TLN2: variants seen among roughly 807,000 people sequenced by gnomAD.
The protein encoded by TLN2 is talin 2, also known as talin-2.
A neutral mutation model predicts 294.7 loss-of-function variants in TLN2; 118 were observed. The observed-to-expected ratio is 0.40, with a 90% confidence interval of 0.34 to 0.47. TLN2 has a LOEUF of 0.47. Among genes scored for constraint, TLN2 ranks in the 20% least tolerant of loss-of-function variants. TLN2 has a pLI of 0.84. For missense variants in TLN2, 3,083 were observed against 3,282.2 expected, an observed-to-expected ratio of 0.94 and a Z score of 1.48; for synonymous variants, 1,431 against 1,304.5, an observed-to-expected ratio of 1.10 and a Z score of -2.09.
chr15:62,667,261 T>C (rs962814449), intron 9 of TLN2, among the ~76,000 whole-genome samples: 3 of 152,128 alleles, frequency 2.0e-5, no homozygotes, highest in East Asian at 1.9e-4. Context: ...CCACCGTGCC[T>C]GGCGAACACT....
chr15:62,694,785 G>T (rs1186844114), intron 14 of TLN2, among the ~76,000 whole-genome samples: 1 of 152,204 alleles, frequency 6.6e-6, no homozygotes, highest in East Asian at 1.9e-4. Flanking sequence ...AGTGCAGCCA[G>T]TGGCGGAGTT....
intron 2 of TLN2, among the ~76,000 whole-genome samples, chr15:62,593,517 T>G (rs939381215): frequency 5.9e-5 from 9 of 152,248 alleles, no homozygotes; most frequent in Non-Finnish European, 1.3e-4. Flanking sequence ...TCTTTCCACA[T>G]TAAGAAGCCC....
intron 12 of TLN2, among the ~76,000 whole-genome samples, chr15:62,691,718 G>C (rs1372479734): frequency 6.6e-6 from 1 of 151,952 alleles, no homozygotes; most frequent in Non-Finnish European, 1.5e-5. Flanking sequence ...CTCTCACTCT[G>C]TTGCCCAAGC....
chr15:62,636,082 CACTT>C (rs1273881989), intron 3 of TLN2, among the ~76,000 whole-genome samples: 1 of 152,240 alleles, frequency 6.6e-6, no homozygotes, highest in East Asian at 1.9e-4. Flanking sequence ...GGCGCGTAAT[CACTT>C]ACATGTGTTA....
intron 1 of TLN2, among the ~76,000 whole-genome samples, chr15:62,536,885 T>G (rs925389636): frequency 1.3e-5 from 2 of 152,238 alleles, no homozygotes; most frequent in Non-Finnish European, 2.9e-5. Context: ...ATTCATCACC[T>G]CAAACATTTA....
At chr15:62,425,410 C>T (rs2034655554) in intron 1 of TLN2, among the ~76,000 whole-genome samples, 1 of 152,174 alleles carries the variant, frequency 6.6e-6, no homozygotes, top group African/African-American at 2.4e-5. Flanking sequence ...GGTAACTCCC[C>T]TTCCTGCATG....
intron 1 of TLN2, among the ~76,000 whole-genome samples, chr15:62,489,315 G>T (rs559649039): frequency 7.9e-5 from 12 of 152,080 alleles, no homozygotes; most frequent in African/African-American, 2.7e-4. Flanking sequence ...AACCAAACAG[G>T]TTACACAACA....
chr15:62,640,894 C>T (rs568061134), intron 3 of TLN2, among the ~76,000 whole-genome samples: 32 of 152,236 alleles, frequency 2.1e-4, no homozygotes, highest in South Asian at 2.1e-3. Flanking sequence ...CACTACCTCC[C>T]GGGTTCCAGC....
intron 28 of TLN2, among the ~76,000 whole-genome samples, 193 bp from the exon 29 acceptor site, chr15:62,736,685 G>C (rs1464844157): frequency 6.6e-6 from 1 of 152,188 alleles, no homozygotes; most frequent in East Asian, 1.9e-4. Flanking sequence ...TGTGTCTCTT[G>C]GTTTGGCCCA....
intron 11 of TLN2, among the ~76,000 whole-genome samples, chr15:62,679,030 C>CTTTTTTTTTTTTTT: frequency 7.6e-6 from 1 of 132,400 alleles, no homozygotes; most frequent in Non-Finnish European, 1.7e-5. Flanking sequence ...TATACCAAGT[C>CTTTTTTTTTTTTTT]TTTTTTTTTT....
chr15:62,743,924 C>G (rs1321617568), intron 32 of TLN2, among the ~76,000 whole-genome samples: 1 of 152,194 alleles, frequency 6.6e-6, no homozygotes, highest in East Asian at 1.9e-4. Context: ...CCTGGCTCCC[C>G]TTTGGTCTGA....
intron 1 of TLN2, among the ~76,000 whole-genome samples, chr15:62,485,662 G>A (rs1278919594): frequency 6.6e-6 from 1 of 152,198 alleles, no homozygotes; most frequent in Non-Finnish European, 1.5e-5. Flanking sequence ...CCACTCCCCT[G>A]CTTAGTTAAA....
In TLN2 at chr15:62,781,222, C is replaced by T. The variant is rs377502147; in HGVS notation, c.5597C>T (p.Ala1866Val). 30 of 1,613,842 alleles carry T rather than the reference C, an allele frequency of 1.9e-5. No homozygotes were observed. In the Middle Eastern group the frequency reaches 4.9e-4, roughly 27 times the overall value. Residue 1866 changes from alanine to valine, a missense_variant, in exon 44 of 59, where the codon GCG becomes GTG. Ala to Val is a moderately conservative substitution (Grantham distance 64). Coordinates refer to ENST00000636159, the MANE Select transcript of TLN2 (RefSeq NM_015059.3). ...TTVVKYSKAI[A>V]VTAQEMMTKS... is the part of the protein sequence containing the mutation. ...GTGGTTAAATACTCCAAAGCCATTG[C>T]GGTGACAGCTCAGGAAATGGTAAGA...
chr15:62,611,065 G>C (rs2047873772), intron 2 of TLN2, among the ~76,000 whole-genome samples: 1 of 152,162 alleles, frequency 6.6e-6, no homozygotes. Flanking sequence ...TCTCAGTAAG[G>C]GAAGAGCCGT....
In TLN2 at chr15:62,477,667, C is replaced by T. The variant is rs555737711; in HGVS notation, c.-238+86982C>T. Among the ~76,000 whole-genome samples the T allele has an allele frequency of 3.3e-5, 5 of 152,116 alleles. No homozygotes were observed. The South Asian group carries it at 8.3e-4, about 25-fold the overall frequency. ...TAAGTCAGCATTTCTGAAAATACTG[C>T]GGATGTTTGGTTTTTAAGAGCAGAC... On this transcript the variant is annotated intron_variant, in intron 1 of 58. Transcript: ENST00000636159.
intron 28 of TLN2, among the ~76,000 whole-genome samples, chr15:62,731,720 T>C (rs1348203815): frequency 4.6e-5 from 7 of 152,186 alleles, no homozygotes; most frequent in Non-Finnish European, 1.0e-4. Context: ...ATCCTAAACA[T>C]TGGACTCACT....
intron 1 of TLN2, among the ~76,000 whole-genome samples, chr15:62,526,789 G>C (rs937403446): frequency 6.6e-6 from 1 of 152,130 alleles, no homozygotes; most frequent in Non-Finnish European, 1.5e-5. Flanking sequence ...ATTTCCATGT[G>C]AGAGGTAATG....
chr15:62,558,299 G>T (rs748067797), intron 1 of TLN2, among the ~76,000 whole-genome samples: 10 of 152,146 alleles, frequency 6.6e-5, no homozygotes, highest in Non-Finnish European at 1.5e-4. Flanking sequence ...CGAATGTGTA[G>T]GCATGTGTTT....
intron 21 of TLN2, among the ~76,000 whole-genome samples, chr15:62,710,544 G>A (rs1388431557): frequency 6.6e-6 from 1 of 152,074 alleles, no homozygotes; most frequent in African/African-American, 2.4e-5. Flanking sequence ...TTGCAAAAAA[G>A]TTGCAGAGGA....
Sources: allele counts gnomAD v4.1 joint callset (sites outside exome capture counted in the v4.1 genomes callset), GRCh38; gene constraint gnomAD v4.1.1; transcripts MANE v1.5; gene names NCBI Gene and HGNC (gene_info 2026-07-23, HGNC 2026-07-21).